WDPCP: variants seen among roughly 807,000 people sequenced by gnomAD.
WDPCP encodes the protein WD repeat containing planar cell polarity effector.
WDPCP carries 71 observed loss-of-function variants against 93.1 expected under a neutral mutation model. The ratio of observed to expected loss-of-function variants is 0.76; its 90% CI spans 0.63 to 0.93. The LOEUF is 0.93. Ranked by LOEUF, WDPCP falls within the 40% of genes least tolerant of loss-of-function variation. The probability of loss-of-function intolerance (pLI) is 0.00; values close to 1 mark genes in which losing one functional copy is unlikely to be tolerated. For synonymous variants in WDPCP, 315 were observed against 315.0 expected, an observed-to-expected ratio of 1.00 and a Z score of 0.00; for missense variants, 844 against 887.4, an observed-to-expected ratio of 0.95 and a Z score of 0.62.
intron 9 of WDPCP, among the ~76,000 whole-genome samples, chr2:63,424,337 C>T (rs901520295): frequency 6.6e-6 from 1 of 152,036 alleles, no homozygotes; most frequent in African/African-American, 2.4e-5. Context: ...TCTCCATTTT[C>T]CTCCAGGTAG....
intron 14 of WDPCP, among the ~76,000 whole-genome samples, chr2:63,258,452 T>C (rs990564555): frequency 7.2e-5 from 11 of 152,124 alleles, no homozygotes; most frequent in Non-Finnish European, 1.5e-4. Context: ...AAGCTGACAA[T>C]TGGTCCCTTT....
intron 13 of WDPCP, among the ~76,000 whole-genome samples, chr2:63,280,131 C>T (rs60935023): frequency 0.017 from 2,595 of 152,090 alleles, 80 homozygotes; most frequent in African/African-American, 0.058. Flanking sequence ...AGAATTCATA[C>T]GGAACCAAAA....
intron 14 of WDPCP, among the ~76,000 whole-genome samples, chr2:63,210,589 G>A (rs1676700386): frequency 6.6e-6 from 1 of 152,128 alleles, no homozygotes; most frequent in Non-Finnish European, 1.5e-5. Flanking sequence ...ATCTCACTGG[G>A]GCTTGTCAGA....
chr2:63,682,436 GGAA>G (rs937691748), intron 2 of WDPCP, among the ~76,000 whole-genome samples: 43 of 152,128 alleles, frequency 2.8e-4, no homozygotes, highest in Non-Finnish European at 5.7e-4. Context: ...GAATTGATGA[GGAA>G]GAAGAATTAG....
intron 14 of WDPCP, among the ~76,000 whole-genome samples, chr2:63,241,092 C>T (rs1679823375): frequency 6.6e-6 from 1 of 152,040 alleles, no homozygotes; most frequent in Non-Finnish European, 1.5e-5. Context: ...ATTATGTCAC[C>T]ACAAAGAAAG....
intron 9 of WDPCP, among the ~76,000 whole-genome samples, chr2:63,426,144 G>C (rs867277893): frequency 5.3e-5 from 8 of 152,304 alleles, no homozygotes; most frequent in Non-Finnish European, 2.9e-5. Context: ...TTCGAGACCA[G>C]CCTGGCCAAT....
intron 2 of WDPCP, among the ~76,000 whole-genome samples, chr2:63,805,208 G>A (rs920727463): frequency 1.3e-5 from 2 of 152,200 alleles, no homozygotes; most frequent in Non-Finnish European, 2.9e-5. Context: ...CTTTTGATAA[G>A]CATATTGCTT....
intron 2 of WDPCP, among the ~76,000 whole-genome samples, chr2:63,673,983 T>C (rs892916049): frequency 5.3e-5 from 8 of 152,184 alleles, no homozygotes; most frequent in African/African-American, 1.9e-4. Flanking sequence ...CTTTATTGGC[T>C]CCCAGGTCTG....
intron 1 of WDPCP, among the ~76,000 whole-genome samples, chr2:63,544,467 A>G (rs1704983580): frequency 6.6e-6 from 1 of 152,180 alleles, no homozygotes; most frequent in South Asian, 2.1e-4. Flanking sequence ...ACTGAAATAC[A>G]TATTTCAAAT....
intron 6 of WDPCP, among the ~76,000 whole-genome samples, chr2:63,452,929 A>G (rs984908179): frequency 6.6e-6 from 1 of 152,070 alleles, no homozygotes; most frequent in East Asian, 1.9e-4. Flanking sequence ...TTACACCTTA[A>G]ACAAAAATTA....
chr2:63,288,447 C>G (rs1230203530), intron 13 of WDPCP, among the ~76,000 whole-genome samples: 1 of 152,166 alleles, frequency 6.6e-6, no homozygotes, highest in Non-Finnish European at 1.5e-5. Context: ...TTCCAAACCA[C>G]ACAGCATCTA....
At chr2:63,616,719 C>T (rs1709676554) in intron 3 of WDPCP, among the ~76,000 whole-genome samples, 1 of 151,848 alleles carries the variant, frequency 6.6e-6, no homozygotes, top group Non-Finnish European at 1.5e-5. Context: ...ACACAGCAAC[C>T]CACGTGGAGA....
chr2:63,514,216 C>T (rs1247940708), intron 1 of WDPCP, among the ~76,000 whole-genome samples: 1 of 152,058 alleles, frequency 6.6e-6, no homozygotes, highest in Non-Finnish European at 1.5e-5. Context: ...CCTTGTAGAA[C>T]TCTTTGGCCT....
chr2:63,565,830 C>A (rs1036885085), intron 1 of WDPCP, among the ~76,000 whole-genome samples: 1 of 152,136 alleles, frequency 6.6e-6, no homozygotes, highest in African/African-American at 2.4e-5. Context: ...TTAGTCAAAA[C>A]TCTTATCCTT....
intron 3 of WDPCP, among the ~76,000 whole-genome samples, chr2:63,637,994 T>C (rs1233462543): frequency 6.6e-6 from 1 of 152,174 alleles, no homozygotes; most frequent in East Asian, 1.9e-4. Context: ...CTCATGTTCA[T>C]TGGATGGATG....
chr2:63,471,747 T>A (rs1024828388), intron 6 of WDPCP, among the ~76,000 whole-genome samples: 7 of 152,194 alleles, frequency 4.6e-5, no homozygotes, highest in African/African-American at 1.4e-4. Flanking sequence ...TAAGGCACAG[T>A]CATTCTAAAA....
At chr2:63,617,554 G>A (rs1709686042) in intron 3 of WDPCP, among the ~76,000 whole-genome samples, 1 of 152,152 alleles carries the variant, frequency 6.6e-6, no homozygotes, top group East Asian at 1.9e-4. Flanking sequence ...AGGAATAGGG[G>A]TTTGGGGCTG....
intron 2 of WDPCP, among the ~76,000 whole-genome samples, chr2:63,755,291 A>T (rs2103896446): frequency 6.6e-6 from 1 of 152,340 alleles, no homozygotes; most frequent in East Asian, 1.9e-4. Context: ...GTGCGCTATC[A>T]TCTTAGAGGA....
At chr2:63,322,990 C>T (rs1575140738) in intron 12 of WDPCP, among the ~76,000 whole-genome samples, 1 of 152,222 alleles carries the variant, frequency 6.6e-6, no homozygotes, top group African/African-American at 2.4e-5. Flanking sequence ...TCTAACAATC[C>T]CTGACTCTTC....
Sources: allele counts gnomAD v4.1 joint callset (sites outside exome capture counted in the v4.1 genomes callset), GRCh38; gene constraint gnomAD v4.1.1; transcripts MANE v1.5; gene names NCBI Gene and HGNC (gene_info 2026-07-23, HGNC 2026-07-21).